PALLD: variants seen among roughly 807,000 people sequenced by gnomAD.
PALLD encodes palladin, cytoskeletal associated protein, also known as palladin.
In PALLD, 61 loss-of-function variants were observed where a neutral mutation model predicts 123.5. The ratio of observed to expected loss-of-function variants is 0.49; its 90% confidence interval spans 0.40 to 0.61. The LOEUF (loss-of-function observed/expected upper bound fraction) is 0.61. Among genes scored for constraint, PALLD ranks in the 20% least tolerant of loss-of-function variants. The probability of loss-of-function intolerance (pLI) is 0.00; values close to 1 mark genes in which losing one functional copy is unlikely to be tolerated. For synonymous variants in PALLD, 465 were observed against 496.4 expected (o/e 0.94, Z 0.84); for missense variants, 1,273 against 1,377.0 (o/e 0.92, Z 1.20).
chr4:168,895,056 G>T (rs1171044673), intron 12 of PALLD, among the ~76,000 whole-genome samples: 1 of 152,048 alleles, frequency 6.6e-6, no homozygotes, highest in Non-Finnish European at 1.5e-5. Context: ...TGAACAACAC[G>T]GGAGTTAGGG....
chr4:168,761,952 T>C (rs1285616808), intron 10 of PALLD, among the ~76,000 whole-genome samples: 1 of 152,140 alleles, frequency 6.6e-6, no homozygotes, highest in Non-Finnish European at 1.5e-5. Flanking sequence ...CTTATTCTTC[T>C]CCAAACTCAG....
intron 15 of PALLD, 89 bp downstream of exon 15, chr4:168,903,995 TAAG>T: frequency 3.1e-6 from 4 of 1,272,138 alleles, no homozygotes; most frequent in Non-Finnish European, 4.6e-6. Flanking sequence ...AAGGTGAAGT[TAAG>T]AAGTTTCTTT....
chr4:168,825,095 C>T (rs941569132), intron 10 of PALLD, among the ~76,000 whole-genome samples: 3 of 152,200 alleles, frequency 2.0e-5, no homozygotes, highest in African/African-American at 4.8e-5. Flanking sequence ...GGATTATAGG[C>T]GTGAGCCACT....
At chr4:168,709,562 GGAAGGAAGGAAGGAAGGAAGGAAGGA>G (rs1784568282) in intron 9 of PALLD, among the ~76,000 whole-genome samples, 10 of 626 alleles carry the variant, frequency 0.016, no homozygotes, top group Non-Finnish European at 0.03. Flanking sequence ...AAGGAAGGAA[GGAAGGAAGGAAGGAAGGAAGGAAGGA>G]AGGGAGGGAG....
In PALLD at chr4:168,639,567, G is replaced by A. The variant is rs1234566556; in HGVS notation, c.909-28623G>A. 3.4e-5 allele frequency among the ~76,000 whole-genome samples: 5 copies of A among 147,170 alleles called. No homozygotes were observed. In the South Asian group the frequency reaches 6.5e-4, roughly 19 times the overall value. On this transcript the variant is annotated intron_variant, in intron 2 of 21. Coordinates refer to ENST00000505667, the MANE Select transcript of PALLD (RefSeq NM_001166108.2). Reference sequence around the variant, plus strand: ...AACTTTTTTTTTTTTTTTTTGAGACGGAGTCTTGCTCTGTCACCCAGGCTG... The same window carrying A: ...AACTTTTTTTTTTTTTTTTTGAGACAGAGTCTTGCTCTGTCACCCAGGCTG...
At chr4:168,816,215 A>G (rs1312230018) in intron 10 of PALLD, among the ~76,000 whole-genome samples, 1 of 152,040 alleles carries the variant, frequency 6.6e-6, no homozygotes, top group Admixed American at 6.6e-5. Context: ...CCTCACTCAC[A>G]TCTGAGCAGA....
At chr4:168,786,030 T>C (rs1196113710) in intron 10 of PALLD, among the ~76,000 whole-genome samples, 1 of 151,646 alleles carries the variant, frequency 6.6e-6, no homozygotes, top group Non-Finnish European at 1.5e-5. Context: ...AATAGTATGA[T>C]AGAAGTATAC....
chr4:168,922,173 C>T (rs2126518698), intron 18 of PALLD, among the ~76,000 whole-genome samples: 2 of 151,270 alleles, frequency 1.3e-5, no homozygotes, highest in Middle Eastern at 3.4e-3. Flanking sequence ...CTGTCATCTA[C>T]CCTCATAGTC....
intron 10 of PALLD, among the ~76,000 whole-genome samples, chr4:168,875,800 A>G (rs1303386157): frequency 6.6e-6 from 1 of 152,208 alleles, no homozygotes; most frequent in African/African-American, 2.4e-5. Flanking sequence ...TTGAGAACCA[A>G]TATAGTCCTG....
chr4:168,873,687 G>C (rs986582079), intron 10 of PALLD, among the ~76,000 whole-genome samples: 11 of 152,204 alleles, frequency 7.2e-5, no homozygotes, highest in African/African-American at 2.7e-4. Context: ...GCACTCTATA[G>C]AGAATGATGT....
chr4:168,520,001 T>C lies in PALLD; in HGVS notation c.908+7589T>C, dbSNP rs545163972. ...TATTCCCTAGAACACCCAATTACTG[T>C]TGAACTAGAAAGCAAAAGAAATTCA... On this transcript the variant is annotated intron_variant, in intron 2 of 21. Transcript: ENST00000505667. 1.2e-3 allele frequency among the ~76,000 whole-genome samples: 187 copies of C among 152,224 alleles called. 1 individual carries two copies. The highest frequency in any genetic ancestry group is 1.6e-3 in the Non-Finnish European group (109 of 68,012).
At chr4:168,761,645 GTTT>G (rs70961555) in intron 10 of PALLD, among the ~76,000 whole-genome samples, 6 of 88,018 alleles carry the variant, frequency 6.8e-5, no homozygotes, top group Admixed American at 4.8e-4. Context: ...GTTGTTGTTT[GTTT>G]TTTTTTTTTT....
chr4:168,903,124 A>T (rs1019899205), intron 14 of PALLD, among the ~76,000 whole-genome samples: 1 of 152,118 alleles, frequency 6.6e-6, no homozygotes, highest in African/African-American at 2.4e-5. Context: ...TTTCAATACT[A>T]CTGTGTTTTC....
intron 6 of PALLD, among the ~76,000 whole-genome samples, chr4:168,688,045 C>T (rs1255255508): frequency 6.6e-6 from 1 of 152,174 alleles, no homozygotes; most frequent in East Asian, 1.9e-4. Context: ...TTCCTTGATG[C>T]ATCTGCTTTT....
chr4:168,872,962 T>G (rs993894636), intron 10 of PALLD, among the ~76,000 whole-genome samples: 1 of 152,218 alleles, frequency 6.6e-6, no homozygotes. Flanking sequence ...TTCCCAGAAT[T>G]GATACATTGA....
At chr4:168,574,608 G>A (rs1034096565) in intron 2 of PALLD, among the ~76,000 whole-genome samples, 10 of 152,002 alleles carry the variant, frequency 6.6e-5, no homozygotes, top group African/African-American at 1.7e-4. Context: ...ATCCAATATC[G>A]TCTAACCTGT....
intron 2 of PALLD, among the ~76,000 whole-genome samples, chr4:168,622,727 G>A (rs1580627625): frequency 1.3e-5 from 2 of 152,074 alleles, no homozygotes; most frequent in Admixed American, 6.5e-5. Context: ...TCTGAATATC[G>A]ATAACAATCT....
At position 168,925,217 on chromosome 4, in the gene PALLD, C is replaced by G; in HGVS notation, c.3359-16C>G. ...CAAAAAAATTCATATTGCTCTCTCTCTCTTTCTATTTGTAGTTTCTCGACA... is the reference window on the plus strand; with the variant it reads ...CAAAAAAATTCATATTGCTCTCTCTGTCTTTCTATTTGTAGTTTCTCGACA... On this transcript the variant is annotated splice_polypyrimidine_tract_variant and intron_variant, in intron 20 of 21. Coordinates refer to ENST00000505667, the MANE Select transcript of PALLD (RefSeq NM_001166108.2). 2 of 1,601,366 alleles carry G rather than the reference C, an allele frequency of 1.2e-6. No individual in the cohort carries two copies. The highest frequency in any genetic ancestry group is 1.1e-5 in the South Asian group (1 of 90,758).
chr4:168,900,722 T>A (rs1756327996), intron 14 of PALLD, among the ~76,000 whole-genome samples: 1 of 152,200 alleles, frequency 6.6e-6, no homozygotes, highest in African/African-American at 2.4e-5. Flanking sequence ...ATGGGATTTT[T>A]AAAATAAACT....
Sources: allele counts gnomAD v4.1 joint callset (sites outside exome capture counted in the v4.1 genomes callset), GRCh38; gene constraint gnomAD v4.1.1; transcripts MANE v1.5; gene names NCBI Gene and HGNC (gene_info 2026-07-23, HGNC 2026-07-21).